The following OSBPL3 variants were observed in gnomAD, a reference collection of about 807,000 sequenced individuals.
OSBPL3 encodes oxysterol-binding protein-related protein 3.
A neutral mutation model predicts 120.1 loss-of-function variants in OSBPL3; 65 were observed. The observed-to-expected ratio is 0.54, with a 90% CI of 0.44 to 0.67. The LOEUF (loss-of-function observed/expected upper bound fraction) is 0.67. Ranked by LOEUF, OSBPL3 falls within the 30% of genes least tolerant of loss-of-function variation. The pLI, the probability that OSBPL3 is intolerant of heterozygous loss-of-function variation, is 0.00. For missense variants in OSBPL3, 1,004 were observed against 1,082.1 expected, an observed-to-expected ratio of 0.93 and a Z score of 1.01; for synonymous variants, 416 against 402.6, an observed-to-expected ratio of 1.03 and a Z score of -0.40.
Position 24,918,153 on chromosome 7 carries a change from G to A in OSBPL3, c.-149-25532C>T. 1 of 762,604 alleles carries A rather than the reference G, an allele frequency of 1.3e-6. No individual in the cohort carries two copies. Among genetic ancestry groups the A allele is most frequent in the Non-Finnish European group, 1.6e-6 (1 of 626,672 alleles). The allele number at this position is 762,604 out of a possible 1,614,324, so 47.2% of individuals were successfully genotyped here. A position where few individuals can be genotyped will look rare whatever the true frequency, so the allele number is the denominator to read the frequency against. Reference sequence around the variant, plus strand: ...CAGTAATGACACCTGGATACTCTTTGTTTACAGTTTCATGTACAGACCTGA... The same window carrying A: ...CAGTAATGACACCTGGATACTCTTTATTTACAGTTTCATGTACAGACCTGA... On this transcript the variant is annotated intron_variant, in intron 1 of 22. Coordinates refer to ENST00000313367, the MANE Select transcript of OSBPL3 (RefSeq NM_015550.4). This position sits in a 1 kb window ranked among gnomAD's most constrained non-coding sequence, Gnocchi z 4.3.
In OSBPL3 at chr7:24,872,448, AGT is replaced by A. The variant is rs371127031; in HGVS notation, c.97-381_97-380del. ...TCAGTCTGAATTTTAACCGAAAGAG[AGT>A]GTGTGTGTGTGTGTGTGTGTGTGTG... On this transcript the variant is annotated intron_variant, in intron 2 of 22. Coordinates refer to ENST00000313367, the MANE Select transcript of OSBPL3 (RefSeq NM_015550.4). The surrounding 1 kb of genome is among the most constrained non-coding windows in gnomAD (Gnocchi z 4.1). Among the ~76,000 whole-genome samples, 17,784 of 144,854 alleles carry A rather than the reference AGT, an allele frequency of 0.12. 1,387 individuals carry two copies. Among genetic ancestry groups the A allele is most frequent in the East Asian group, 0.41 (2,067 of 5,058 alleles).
rs1409168668 is a variant in OSBPL3 at position 24,797,298 on chromosome 7, T to C, written c.*2885A>G. ...GAGAAAAGCAGCAGTGTAAATGACG[T>C]AAACATTAAAAAATATATTAGTTTG... is the stretch of plus-strand genomic sequence containing the variant. On this transcript the variant is annotated 3_prime_UTR_variant, in exon 23 of 23. Transcript: ENST00000313367. This position sits in a 1 kb window ranked among gnomAD's most constrained non-coding sequence, Gnocchi z 4.8. 1.3e-5 allele frequency: 2 copies of C among 152,192 alleles called. No individual in the cohort carries two copies. Among genetic ancestry groups the C allele is most frequent in the Non-Finnish European group, 2.9e-5 (2 of 68,018 alleles). 9.4% of individuals were successfully genotyped at this position (152,192 alleles called of 1,614,324 possible).
chr7:24,890,426 C>G (rs1805171292), intron 2 of OSBPL3, among the ~76,000 whole-genome samples: 1 of 152,188 alleles, frequency 6.6e-6, no homozygotes, highest in Non-Finnish European at 1.5e-5. Context: ...TGCACCTCTG[C>G]AGCACCTTTA....
rs535531072 is a variant in OSBPL3, at chr7:24,974,687, C to T, written c.-150+5199G>A. Among the ~76,000 whole-genome samples, 5 of 152,282 alleles carry T rather than the reference C, an allele frequency of 3.3e-5. No homozygotes were observed. In the South Asian group the frequency reaches 1.0e-3, roughly 32 times the overall value. ...AATAAAAAGGAATGAAGTACTGATACATGCTACAACAGAAATTAACCTTGA... is the reference window on the plus strand; with the variant it reads ...AATAAAAAGGAATGAAGTACTGATATATGCTACAACAGAAATTAACCTTGA... On this transcript the variant is annotated intron_variant, in intron 1 of 22. Transcript: ENST00000313367.
At chr7:24,904,340 A>C (rs1477353533) in intron 1 of OSBPL3, among the ~76,000 whole-genome samples, 2 of 152,248 alleles carry the variant, frequency 1.3e-5, no homozygotes, top group Non-Finnish European at 2.9e-5. Flanking sequence ...TGGTATATAC[A>C]GTCAGCCCGC....
rs1798835609 is a variant in OSBPL3, at chr7:24,849,245, C to G, written c.1159-69G>C. 8.6e-7 allele frequency: 1 copy of G among 1,166,626 alleles called. No homozygotes were observed. The highest frequency in any genetic ancestry group is 1.3e-6 in the Non-Finnish European group (1 of 792,444). The allele number at this position is 1,166,626 out of a possible 1,614,324, so 72.3% of individuals were successfully genotyped here. A position where few individuals can be genotyped will look rare whatever the true frequency, so the allele number is the denominator to read the frequency against. ...TTTCAGAAAAGCACAGCAGTGGGCC[C>G]TGCAGGAGCGATCTCTAAGAGCTTG... On this transcript the variant is annotated intron_variant, in intron 11 of 22. Transcript: ENST00000313367. This position sits in a 1 kb window ranked among gnomAD's most constrained non-coding sequence, Gnocchi z 5.4.
chr7:24,870,956 T>G, intron 4 of OSBPL3, 111 bp from the exon 5 acceptor site: 1 of 735,634 alleles, frequency 1.4e-6, no homozygotes, highest in Non-Finnish European at 2.5e-6. Context: ...ACACTGCGAC[T>G]CATCAAGCAC....
intron 5 of OSBPL3, among the ~76,000 whole-genome samples, chr7:24,869,381 G>C (rs1355114171): frequency 6.6e-6 from 1 of 152,164 alleles, no homozygotes; most frequent in Non-Finnish European, 1.5e-5. Flanking sequence ...TATTCTAGTG[G>C]AGACTGATCA....
chr7:24,923,630 G>T (rs1262653869), intron 1 of OSBPL3, among the ~76,000 whole-genome samples: 1 of 152,212 alleles, frequency 6.6e-6, no homozygotes, highest in East Asian at 1.9e-4. Flanking sequence ...GAGAAATACA[G>T]AGTGTGAGGC....
intron 1 of OSBPL3, among the ~76,000 whole-genome samples, chr7:24,979,594 C>T (rs1297299471): frequency 2.6e-5 from 4 of 152,150 alleles, no homozygotes; most frequent in Non-Finnish European, 5.9e-5. Context: ...CGCACCTGCG[C>T]CGCGGCCCCT....
At position 24,833,387 on chromosome 7, in the gene OSBPL3, T is replaced by C. The variant is rs1796622393; in HGVS notation, c.1746+1099A>G. 6.6e-6 allele frequency among the ~76,000 whole-genome samples: 1 copy of C among 152,190 alleles called. No individual in the cohort carries two copies. The highest frequency in any genetic ancestry group is 1.5e-5 in the Non-Finnish European group (1 of 68,030). ...TCAAAAAAAGAGAAAGTCTCTTTGA[T>C]GGGGAGGCCCTGGAGACTGGGCAGA... On this transcript the variant is annotated intron_variant, in intron 15 of 22. Transcript: ENST00000313367. This position sits in a 1 kb window ranked among gnomAD's most constrained non-coding sequence, Gnocchi z 4.4.
intron 5 of OSBPL3, among the ~76,000 whole-genome samples, chr7:24,868,057 G>A (rs1210555195): frequency 6.6e-6 from 1 of 152,096 alleles, no homozygotes; most frequent in African/African-American, 2.4e-5. Context: ...AGTGGCTCAC[G>A]CCTGTAACCC....
rs1003355575 is a variant in OSBPL3, at chr7:24,802,081, T to C, written c.2568-1802A>G. 1.3e-5 allele frequency among the ~76,000 whole-genome samples: 2 copies of C among 152,174 alleles called. No individual in the cohort carries two copies. The highest frequency in any genetic ancestry group is 2.9e-5 in the Non-Finnish European group (2 of 68,034). On this transcript the variant is annotated intron_variant, in intron 22 of 22. Transcript: ENST00000313367. The surrounding 1 kb of genome is among the most constrained non-coding windows in gnomAD (Gnocchi z 4.1). ...ATATGGTTTAGAAGCAAAAGTGGAG[T>C]GTGCCTGTTTTCCTACACTCTCAGG...
chr7:24,834,192 G>C lies in OSBPL3; in HGVS notation c.1746+294C>G, dbSNP rs1231216533. 35 of 1,115,508 alleles carry C rather than the reference G, an allele frequency of 3.1e-5. No homozygotes were observed. The highest frequency in any genetic ancestry group is 3.8e-5 in the Non-Finnish European group (34 of 904,588). The allele number at this position is 1,115,508 out of a possible 1,614,324, so 69.1% of individuals were successfully genotyped here. On this transcript the variant is annotated intron_variant, in intron 15 of 22. Coordinates refer to ENST00000313367, the MANE Select transcript of OSBPL3 (RefSeq NM_015550.4). This position sits in a 1 kb window ranked among gnomAD's most constrained non-coding sequence, Gnocchi z 5.2. ...ACATGTTTTCCAGCCGGGCACATCG[G>C]AACAATCAGCCAGAAGGCTTCTGGA...
chr7:24,866,253 T>C lies in OSBPL3; in HGVS notation c.382-16A>G. ...CTGACTTGACCTATAATATATTCGA[T>C]TGAAAAAAGGAAACAAGAGAATCAT... On this transcript the variant is annotated splice_polypyrimidine_tract_variant and intron_variant, in intron 5 of 22. Coordinates refer to ENST00000313367, the MANE Select transcript of OSBPL3 (RefSeq NM_015550.4). 2 of 1,579,372 alleles carry C rather than the reference T, an allele frequency of 1.3e-6. No homozygotes were observed. Among genetic ancestry groups the C allele is most frequent in the Non-Finnish European group, 1.7e-6 (2 of 1,150,608 alleles).
In OSBPL3 at chr7:24,873,254, T is replaced by C. The variant is rs1320094787; in HGVS notation, c.97-1185A>G. Among the ~76,000 whole-genome samples the C allele has an allele frequency of 2.0e-5, 3 of 152,176 alleles. No individual in the cohort carries two copies. The highest frequency in any genetic ancestry group is 7.2e-5 in the African/African-American group (3 of 41,428). Reference sequence around the variant, plus strand: ...CACCAGGGAGCAGGAGGCAGTTAGATTCAAGTCCTGGGACACAAGTGGTCT... The same window carrying C: ...CACCAGGGAGCAGGAGGCAGTTAGACTCAAGTCCTGGGACACAAGTGGTCT... On this transcript the variant is annotated intron_variant, in intron 2 of 22. Coordinates refer to ENST00000313367, the MANE Select transcript of OSBPL3 (RefSeq NM_015550.4). The surrounding 1 kb of genome is among the most constrained non-coding windows in gnomAD (Gnocchi z 4.1).
intron 1 of OSBPL3, among the ~76,000 whole-genome samples, chr7:24,925,530 G>A (rs1006749353): frequency 4.6e-5 from 7 of 152,162 alleles, no homozygotes; most frequent in African/African-American, 9.7e-5. Context: ...GAGGCAAGAC[G>A]CACTAAAATG....
In OSBPL3 at chr7:24,809,688, T is replaced by C. The variant is rs1285789218; in HGVS notation, c.2317+119A>G. The C allele has an allele frequency of 3.3e-6, 3 of 913,218 alleles. No homozygotes were observed. The African/African-American group carries it at 5.0e-5, about 15-fold the overall frequency. The allele number at this position is 913,218 out of a possible 1,614,324, so 56.6% of individuals were successfully genotyped here. On this transcript the variant is annotated intron_variant, in intron 20 of 22. Coordinates refer to ENST00000313367, the MANE Select transcript of OSBPL3 (RefSeq NM_015550.4). ...AGAGGGCCTACACCTCTAACCTAGT[T>C]CAAAGCAGAAGAGGCTGGAGATGCT...
Position 24,933,125 on chromosome 7 carries a change from C to T in OSBPL3, c.-149-40504G>A, listed in dbSNP as rs1476895421. 6.6e-6 allele frequency among the ~76,000 whole-genome samples: 1 copy of T among 152,234 alleles called. No homozygotes were observed. Among genetic ancestry groups the T allele is most frequent in the Non-Finnish European group, 1.5e-5 (1 of 68,040 alleles). ...TAATAACAGGCCACGCACGCAGACG[C>T]CTGCAGAACTGGGACCCAGCTGAGA... On this transcript the variant is annotated intron_variant, in intron 1 of 22. Coordinates refer to ENST00000313367, the MANE Select transcript of OSBPL3 (RefSeq NM_015550.4). The surrounding 1 kb of genome is among the most constrained non-coding windows in gnomAD (Gnocchi z 5.1).
Sources: gnomAD v4.1 joint callset for allele counts (sites outside exome capture counted in the v4.1 genomes callset) on GRCh38, gnomAD v4.1.1 for gene constraint, Gnocchi (gnomAD v3.1) non-coding constraint, MANE v1.5 for transcripts, NCBI Gene and HGNC (gene_info 2026-07-23, HGNC 2026-07-21) for gene names.